Variants in SEC61A1 observed in about 807,000 individuals in gnomAD.
SEC61A1 encodes the protein SEC61 translocon subunit alpha 1.
In SEC61A1, 15 loss-of-function variants were observed where a neutral mutation model predicts 55.2. The observed-to-expected ratio is 0.27, with a 90% confidence interval of 0.18 to 0.42. SEC61A1 has a LOEUF of 0.42. Ranked by LOEUF, SEC61A1 falls within the 10% of genes least tolerant of loss-of-function variation. SEC61A1 has a pLI of 1.00. For missense variants in SEC61A1, 284 were observed against 602.6 expected, an observed-to-expected ratio of 0.47 and a Z score of 5.53; for synonymous variants, 247 against 234.0, an observed-to-expected ratio of 1.06 and a Z score of -0.51.
chr3:128,065,158 TG>T (rs1224275727), intron 8 of SEC61A1, 121 bp downstream of exon 8: 30 of 1,150,648 alleles, frequency 2.6e-5, no homozygotes, highest in Non-Finnish European at 3.4e-5. Flanking sequence ...AACGATGAGA[TG>T]GTATTTGAAG....
intron 7 of SEC61A1, among the ~76,000 whole-genome samples, chr3:128,063,480 G>A (rs1030195342): frequency 5.3e-5 from 8 of 152,138 alleles, no homozygotes; most frequent in Non-Finnish European, 8.8e-5. Flanking sequence ...GATTACAGGC[G>A]CCCGCCACCA....
intron 8 of SEC61A1, 57 bp downstream of exon 8, chr3:128,065,094 GC>G: frequency 6.4e-7 from 1 of 1,559,016 alleles, no homozygotes; most frequent in South Asian, 1.1e-5. Flanking sequence ...GTTTCAGAAT[GC>G]CTTGTGTGCA....
intron 5 of SEC61A1, among the ~76,000 whole-genome samples, chr3:128,059,649 A>C (rs1298890401): frequency 6.6e-6 from 1 of 152,126 alleles, no homozygotes; most frequent in African/African-American, 2.4e-5. Context: ...CCAGACCTGG[A>C]TGGTGAGCCT....
intron 11 of SEC61A1, among the ~76,000 whole-genome samples, chr3:128,069,173 T>G (rs1333445329): frequency 6.6e-6 from 1 of 152,230 alleles, no homozygotes. Flanking sequence ...TTCAACATTA[T>G]AATTAATGTT....
chr3:128,067,276 C>A lies in SEC61A1; in HGVS notation c.975+125C>A. 1.6e-6 allele frequency: 2 copies of A among 1,290,280 alleles called. No homozygotes were observed. Among genetic ancestry groups the A allele is most frequent in the Non-Finnish European group, 1.1e-6 (1 of 918,766 alleles). 79.9% of individuals were successfully genotyped at this position (1,290,280 alleles called of 1,614,324 possible). A position where few individuals can be genotyped will look rare whatever the true frequency, so the allele number is the denominator to read the frequency against. On this transcript the variant is annotated intron_variant, in intron 9 of 11. Transcript: ENST00000243253. This position sits in a 1 kb window ranked among gnomAD's most constrained non-coding sequence, Gnocchi z 4.1. ...TCCATTGTGCCTTTTACAAATTCAG[C>A]ACATTAAATTATCTTTTCAGTAAAA...
chr3:128,063,525 C>G (rs919245695), intron 7 of SEC61A1, among the ~76,000 whole-genome samples: 1 of 152,226 alleles, frequency 6.6e-6, no homozygotes, highest in Non-Finnish European at 1.5e-5. Context: ...TTAGTAGAGA[C>G]AGGGTTTCAC....
intron 7 of SEC61A1, among the ~76,000 whole-genome samples, chr3:128,063,360 C>T (rs557820459): frequency 1.1e-4 from 17 of 152,304 alleles, no homozygotes; most frequent in South Asian, 4.1e-4. Context: ...GTTGTTGAGA[C>T]GGAGTCTTGC....
At chr3:128,066,398 G>C (rs1240623076) in intron 8 of SEC61A1, among the ~76,000 whole-genome samples, 1 of 152,014 alleles carries the variant, frequency 6.6e-6, no homozygotes, top group Non-Finnish European at 1.5e-5. Context: ...AAGTGGGGGT[G>C]GGGATCATTC....
chr3:128,066,892 G>GT, intron 8 of SEC61A1, 62 bp from the exon 9 acceptor site: 1 of 1,556,588 alleles, frequency 6.4e-7, no homozygotes, highest in African/African-American at 1.4e-5. Flanking sequence ...GCCGGGCTGT[G>GT]TTTCTGTGCA....
chr3:128,058,019 A>G (rs1221283014), intron 5 of SEC61A1, among the ~76,000 whole-genome samples: 1 of 152,074 alleles, frequency 6.6e-6, no homozygotes, highest in Non-Finnish European at 1.5e-5. Context: ...CTCATATCTA[A>G]TAAGTGTTAC....
intron 4 of SEC61A1, 83 bp from the exon 5 acceptor site, chr3:128,056,622 CCAGT>C: frequency 8.2e-7 from 1 of 1,217,032 alleles, no homozygotes; most frequent in Non-Finnish European, 1.1e-6. Flanking sequence ...TAAGGGGTAC[CCAGT>C]CAAATTTTGC....
chr3:128,068,324 G>C (rs924021097), intron 11 of SEC61A1, among the ~76,000 whole-genome samples: 1 of 152,254 alleles, frequency 6.6e-6, no homozygotes, highest in African/African-American at 2.4e-5. Context: ...ATAGGAGACA[G>C]TGCAGTAAGG....
At chr3:128,064,056 C>T (rs995363638) in intron 7 of SEC61A1, among the ~76,000 whole-genome samples, 1 of 152,138 alleles carries the variant, frequency 6.6e-6, no homozygotes, top group Non-Finnish European at 1.5e-5. Context: ...ACATGGTGGA[C>T]GCAAGCATAT....
chr3:128,058,012 A>G (rs1941798268), intron 5 of SEC61A1, among the ~76,000 whole-genome samples: 1 of 152,168 alleles, frequency 6.6e-6, no homozygotes, highest in Admixed American at 6.5e-5. Context: ...TATTTGCCTC[A>G]TATCTAATAA....
chr3:128,056,882 A>T (rs542635403), intron 5 of SEC61A1, 42 bp downstream of exon 5: 1 of 1,405,856 alleles, frequency 7.1e-7, no homozygotes, highest in African/African-American at 1.5e-5. Flanking sequence ...TAGTTGGAAA[A>T]TTTGAATTTG....
chr3:128,053,103 G>A (rs1030499574), intron 2 of SEC61A1, among the ~76,000 whole-genome samples: 18 of 152,158 alleles, frequency 1.2e-4, no homozygotes, highest in Admixed American at 2.0e-4. Flanking sequence ...AAATCACTGT[G>A]CTTTATTTGG....
chr3:128,052,641 G>A (rs1941705757), intron 1 of SEC61A1, 82 bp downstream of exon 1: 1 of 1,552,098 alleles, frequency 6.4e-7, no homozygotes. Context: ...GGCGCCCGCC[G>A]GCCAACCCTG....
chr3:128,064,675 A>G, intron 7 of SEC61A1: 1 of 571,616 alleles, frequency 1.7e-6, no homozygotes. Context: ...ACAAACCAGA[A>G]TAGCCCGTTT....
rs180991708 is a variant in SEC61A1, at chr3:128,055,851, G to T, written c.220+100G>T. 73 of 961,476 alleles carry T rather than the reference G, an allele frequency of 7.6e-5. 1 individual carries two copies. In the African/African-American group the frequency reaches 8.0e-4, roughly 10 times the overall value. The allele number at this position is 961,476 out of a possible 1,614,324, so 59.6% of individuals were successfully genotyped here. A position where few individuals can be genotyped will look rare whatever the true frequency, so the allele number is the denominator to read the frequency against. On this transcript the variant is annotated intron_variant, in intron 4 of 11. Coordinates refer to ENST00000243253, the MANE Select transcript of SEC61A1 (RefSeq NM_013336.4). ...TGGCTTTATATGGAACTTAGAGAGT[G>T]ACTTGGAAAATAGAGTGAAGAATGT... is the stretch of plus-strand genomic sequence containing the variant.
Sources: allele counts gnomAD v4.1 joint callset (sites outside exome capture counted in the v4.1 genomes callset), GRCh38; gene constraint gnomAD v4.1.1; non-coding constraint Gnocchi (gnomAD v3.1); transcripts MANE v1.5; gene names NCBI Gene and HGNC (gene_info 2026-07-23, HGNC 2026-07-21).